Variants in INTS8 observed in about 807,000 individuals in gnomAD.
INTS8 encodes integrator complex subunit 8, also known as protein kaonashi-1.
A neutral mutation model predicts 138.9 loss-of-function variants in INTS8; 47 were observed. The ratio of observed to expected loss-of-function variants is 0.34; its 90% confidence interval spans 0.27 to 0.43. The LOEUF (loss-of-function observed/expected upper bound fraction) is 0.43, where lower values mean the gene tolerates loss of function less well. Among genes scored for constraint, INTS8 ranks in the 20% least tolerant of loss-of-function variants. INTS8 has a pLI of 1.00. For synonymous variants in INTS8, 392 were observed against 400.9 expected, an observed-to-expected ratio of 0.98 and a Z score of 0.27; for missense variants, 996 against 1,173.0, an observed-to-expected ratio of 0.85 and a Z score of 2.20.
intron 16 of INTS8, among the ~76,000 whole-genome samples, chr8:94,861,483 A>T (rs570130946): frequency 4.5e-4 from 69 of 151,764 alleles, no homozygotes; most frequent in African/African-American, 8.9e-4. Flanking sequence ...GGATGGTCTC[A>T]ATCTCCTGAC....
At chr8:94,858,087 A>G (rs1422069044) in intron 15 of INTS8, among the ~76,000 whole-genome samples, 1 of 152,232 alleles carries the variant, frequency 6.6e-6, no homozygotes, top group Non-Finnish European at 1.5e-5. Context: ...AAAGGGGCTT[A>G]CCATATAAAT....
At chr8:94,857,512 C>G (rs1815795709) in intron 15 of INTS8, among the ~76,000 whole-genome samples, 1 of 152,188 alleles carries the variant, frequency 6.6e-6, no homozygotes, top group South Asian at 2.1e-4. Context: ...AACTGGGTGA[C>G]TTAAAACAAC....
chr8:94,833,972 A>G (rs1814822763), intron 6 of INTS8, among the ~76,000 whole-genome samples: 2 of 152,000 alleles, frequency 1.3e-5, no homozygotes, highest in Middle Eastern at 3.4e-3. Flanking sequence ...GGGTTTCTCC[A>G]TGTTGATCAG....
At chr8:94,832,604 G>A (rs530145522) in intron 6 of INTS8, among the ~76,000 whole-genome samples, 1 of 151,966 alleles carries the variant, frequency 6.6e-6, no homozygotes, top group Non-Finnish European at 1.5e-5. Context: ...TGGGCCCCTT[G>A]TTCCTTTCAC....
At chr8:94,831,803 C>T (rs910370701) in intron 5 of INTS8, among the ~76,000 whole-genome samples, 189 bp from the exon 6 acceptor site, 1 of 152,104 alleles carries the variant, frequency 6.6e-6, no homozygotes, top group Non-Finnish European at 1.5e-5. Context: ...TATTTTCTAA[C>T]CTCACAATAG....
At chr8:94,838,380 T>G (rs1815011745) in intron 7 of INTS8, 83 bp from the exon 8 acceptor site, 5 of 1,190,894 alleles carry the variant, frequency 4.2e-6, no homozygotes, top group Non-Finnish European at 6.0e-6. Flanking sequence ...CATTTCCTTG[T>G]ACTGTTAAAA....
At position 94,881,396 on chromosome 8, in the gene INTS8, G is replaced by A; in HGVS notation, c.*1162G>A. 1 of 528,618 alleles carries A rather than the reference G, an allele frequency of 1.9e-6. No homozygotes were observed. Among genetic ancestry groups the A allele is most frequent in the South Asian group, 2.8e-5 (1 of 35,702 alleles). The allele number at this position is 528,618 out of a possible 1,614,324, so 32.7% of individuals were successfully genotyped here. On this transcript the variant is annotated 3_prime_UTR_variant, in exon 27 of 27. Coordinates refer to ENST00000523731, the MANE Select transcript of INTS8 (RefSeq NM_017864.4). ...GGTTGGCTTCTATCCAGTAACCTTGGGAATGAAGACATCTTTGTAAACAAG... is the reference window on the plus strand; with the variant it reads ...GGTTGGCTTCTATCCAGTAACCTTGAGAATGAAGACATCTTTGTAAACAAG...
chr8:94,874,623 AGTT>A (rs1312418923), intron 23 of INTS8, 21 bp downstream of exon 23: 11 of 1,423,074 alleles, frequency 7.7e-6, no homozygotes, highest in South Asian at 1.2e-5. Flanking sequence ...AATATTATGA[AGTT>A]GTTTTATTTT....
intron 10 of INTS8, among the ~76,000 whole-genome samples, chr8:94,844,188 G>A (rs551351944): frequency 1.6e-4 from 24 of 151,512 alleles, no homozygotes; most frequent in South Asian, 1.5e-3. Flanking sequence ...ACGGGCGTGC[G>A]CTACCACGCC....
intron 1 of INTS8, among the ~76,000 whole-genome samples, 200 bp downstream of exon 1, chr8:94,823,761 C>G (rs1046218317): frequency 6.6e-6 from 1 of 152,256 alleles, no homozygotes; most frequent in African/African-American, 2.4e-5. Context: ...CAAAGGCTCT[C>G]CTACCCCCGG....
At chr8:94,843,311 T>C (rs1362214746) in intron 10 of INTS8, among the ~76,000 whole-genome samples, 1 of 152,214 alleles carries the variant, frequency 6.6e-6, no homozygotes, top group African/African-American at 2.4e-5. Flanking sequence ...CTCACACCTG[T>C]AATCTCAGCA....
At chr8:94,869,599 TCTC>T (rs1394365713) in intron 20 of INTS8, among the ~76,000 whole-genome samples, 3 of 152,066 alleles carry the variant, frequency 2.0e-5, no homozygotes, top group African/African-American at 7.2e-5. Context: ...TTCAAGCAAT[TCTC>T]CTGCCTCAGC....
chr8:94,875,919 T>G, intron 23 of INTS8, 155 bp from the exon 24 acceptor site: 1 of 601,358 alleles, frequency 1.7e-6, no homozygotes. Flanking sequence ...GACAGACACG[T>G]GTATAAAGGT....
chr8:94,869,291 AT>A (rs1816301529), intron 20 of INTS8, among the ~76,000 whole-genome samples: 1 of 151,166 alleles, frequency 6.6e-6, no homozygotes, highest in African/African-American at 2.4e-5. Context: ...CCAGTTTTGC[AT>A]TTTTTAATTG....
chr8:94,833,629 A>G (rs557690077), intron 6 of INTS8, among the ~76,000 whole-genome samples: 2 of 152,326 alleles, frequency 1.3e-5, no homozygotes, highest in South Asian at 2.1e-4. Context: ...AACATGGTGG[A>G]TGATACAACC....
chr8:94,855,378 T>C (rs894282963), intron 14 of INTS8, among the ~76,000 whole-genome samples: 2 of 151,982 alleles, frequency 1.3e-5, no homozygotes, highest in African/African-American at 4.8e-5. Context: ...CCAGTAAGTA[T>C]TTTATACTTA....
chr8:94,839,798 A>G (rs189256794), intron 8 of INTS8, among the ~76,000 whole-genome samples: 1 of 152,286 alleles, frequency 6.6e-6, no homozygotes, highest in East Asian at 1.9e-4. Context: ...TGGGAGGCCA[A>G]GGTGGGAGGA....
chr8:94,846,740 A>G (rs1586491078), intron 10 of INTS8, among the ~76,000 whole-genome samples: 1 of 152,170 alleles, frequency 6.6e-6, no homozygotes, highest in African/African-American at 2.4e-5. Flanking sequence ...GCTATTCCTT[A>G]TCTGATTAAG....
intron 12 of INTS8, among the ~76,000 whole-genome samples, chr8:94,851,296 TTTATC>T (rs143890865): frequency 3.9e-5 from 6 of 152,316 alleles, no homozygotes; most frequent in African/African-American, 1.4e-4. Context: ...AATATTGATT[TTTATC>T]TTGTTTATAT....
Sources: gnomAD v4.1 joint callset for allele counts (sites outside exome capture counted in the v4.1 genomes callset) on GRCh38, gnomAD v4.1.1 for gene constraint, MANE v1.5 for transcripts, NCBI Gene and HGNC (gene_info 2026-07-23, HGNC 2026-07-21) for gene names.